MAP3K5: variants seen among roughly 807,000 people sequenced by gnomAD.
MAP3K5 encodes mitogen-activated protein kinase kinase kinase 5, also known as ASK-1.
A neutral mutation model predicts 158.7 loss-of-function variants in MAP3K5; 56 were observed. The observed-to-expected ratio is 0.35, with a 90% CI of 0.28 to 0.44. The LOEUF is 0.44. Among genes scored for constraint, MAP3K5 ranks in the 20% least tolerant of loss-of-function variants. The pLI, the probability that MAP3K5 is intolerant of heterozygous loss-of-function variation, is 1.00. For missense variants in MAP3K5, 1,294 were observed against 1,674.8 expected, an observed-to-expected ratio of 0.77 and a Z score of 3.97; for synonymous variants, 579 against 601.7, an observed-to-expected ratio of 0.96 and a Z score of 0.55.
At chr6:136,704,789 G>A (rs777484898) in intron 3 of MAP3K5, among the ~76,000 whole-genome samples, 1 of 151,990 alleles carries the variant, frequency 6.6e-6, no homozygotes, top group Non-Finnish European at 1.5e-5. Flanking sequence ...CACGTGATCT[G>A]CCTGCCTCTG....
chr6:136,791,965 T>C lies in MAP3K5; in HGVS notation c.193A>G (p.Ile65Val). The C allele has an allele frequency of 6.2e-7, 1 of 1,609,082 alleles. No homozygotes were observed. The highest frequency in any genetic ancestry group is 1.1e-5 in the South Asian group (1 of 90,860). ...WNVESAAAPGIGCPAATSSSS... is the reference protein window; with the variant it reads ...WNVESAAAPGVGCPAATSSSS... The stretch of plus-strand genomic sequence containing the variant: ...GAGGAGGTGGCCGCCGGACAACCGA[T>C]GCCAGGGGCAGCGGCGCTCTCCACG... Residue 65 changes from isoleucine to valine, a missense_variant, in exon 1 of 30, where the codon ATC becomes GTC. By Grantham distance (29) the Ile-to-Val change is conservative. Transcript: ENST00000359015.
At chr6:136,782,284 TAA>T (rs1281981987) in intron 1 of MAP3K5, among the ~76,000 whole-genome samples, 10 of 75,472 alleles carry the variant, frequency 1.3e-4, no homozygotes, top group Non-Finnish European at 1.8e-4. Flanking sequence ...CATCTCAAAA[TAA>T]AAAAAAAAAA....
chr6:136,710,266 T>C (rs1237743596), intron 2 of MAP3K5, among the ~76,000 whole-genome samples: 1 of 152,142 alleles, frequency 6.6e-6, no homozygotes, highest in Non-Finnish European at 1.5e-5. Context: ...TCATGGAAAT[T>C]TTCCTCTCAA....
At chr6:136,649,750 T>C (rs943571514) in intron 11 of MAP3K5, among the ~76,000 whole-genome samples, 5 of 152,258 alleles carry the variant, frequency 3.3e-5, no homozygotes, top group Non-Finnish European at 5.9e-5. Flanking sequence ...GTTACTGTAG[T>C]TAAGATATAT....
chr6:136,606,074 C>T (rs761214524), intron 18 of MAP3K5, among the ~76,000 whole-genome samples: 11 of 152,242 alleles, frequency 7.2e-5, no homozygotes, highest in Admixed American at 2.0e-4. Context: ...AAGTGAAGGC[C>T]GGGTGCGGTG....
chr6:136,561,704 C>A lies in MAP3K5; in HGVS notation c.3875-59G>T, dbSNP rs2129068106. ...TCACCTAACAGAGGTCATCTGAGAC[C>A]CTCACAATCAACAGACATTTATTGA... is the stretch of plus-strand genomic sequence containing the variant. On this transcript the variant is annotated intron_variant, in intron 27 of 29. Transcript: ENST00000359015. 4 of 917,454 alleles carry A rather than the reference C, an allele frequency of 4.4e-6. No individual in the cohort carries two copies. In the East Asian group the frequency reaches 9.7e-5, roughly 22 times the overall value. 56.8% of individuals were successfully genotyped at this position (917,454 alleles called of 1,614,324 possible). A position where few individuals can be genotyped will look rare whatever the true frequency, so the allele number is the denominator to read the frequency against.
At chr6:136,599,731 A>G (rs1010728495) in intron 21 of MAP3K5, among the ~76,000 whole-genome samples, 2 of 152,196 alleles carry the variant, frequency 1.3e-5, no homozygotes, top group Non-Finnish European at 2.9e-5. Flanking sequence ...ACCGAATGAC[A>G]GAAGAAATAT....
rs371885031 is a variant in MAP3K5 at position 136,656,593 on chromosome 6, G to A, written c.1527-133C>T. 52 of 565,682 alleles carry A rather than the reference G, an allele frequency of 9.2e-5. 1 individual carries two copies. Among genetic ancestry groups the A allele is most frequent in the Middle Eastern group, 9.6e-4 (2 of 2,076 alleles). 35.0% of individuals were successfully genotyped at this position (565,682 alleles called of 1,614,324 possible). A position where few individuals can be genotyped will look rare whatever the true frequency, so the allele number is the denominator to read the frequency against. On this transcript the variant is annotated intron_variant, in intron 9 of 29. Transcript: ENST00000359015. Reference sequence around the variant, plus strand: ...TATGCATTCAGATTCACCGTTATTCGTTATTTGTTGCATATCGTGTGTTTT... The same window carrying A: ...TATGCATTCAGATTCACCGTTATTCATTATTTGTTGCATATCGTGTGTTTT...
intron 28 of MAP3K5, among the ~76,000 whole-genome samples, chr6:136,561,322 T>C (rs547955758): frequency 7.9e-5 from 12 of 152,306 alleles, no homozygotes; most frequent in Non-Finnish European, 1.5e-4. Flanking sequence ...ACCTGATACC[T>C]TTTTCTTCAT....
At chr6:136,698,190 A>T (rs1780688258) in intron 4 of MAP3K5, among the ~76,000 whole-genome samples, 1 of 152,228 alleles carries the variant, frequency 6.6e-6, no homozygotes, top group Non-Finnish European at 1.5e-5. Flanking sequence ...TTACACTAGA[A>T]GTCCCTGGAC....
At chr6:136,607,673 A>G (rs370533882) in intron 18 of MAP3K5, among the ~76,000 whole-genome samples, 7 of 152,180 alleles carry the variant, frequency 4.6e-5, no homozygotes, top group East Asian at 3.8e-4. Flanking sequence ...GCAACTACCC[A>G]GGGAGGTGGT....
chr6:136,612,135 T>C (rs1181217874), intron 17 of MAP3K5, among the ~76,000 whole-genome samples: 1 of 152,154 alleles, frequency 6.6e-6, no homozygotes, highest in East Asian at 1.9e-4. Context: ...CTCACCAAAC[T>C]ATCTTTGAAA....
At chr6:136,571,947 C>T (rs1339066771) in intron 25 of MAP3K5, among the ~76,000 whole-genome samples, 1 of 152,216 alleles carries the variant, frequency 6.6e-6, no homozygotes, top group Non-Finnish European at 1.5e-5. Flanking sequence ...TTCACCTCTA[C>T]TCTATCTCAT....
At chr6:136,673,686 T>C (rs1779577348) in intron 7 of MAP3K5, among the ~76,000 whole-genome samples, 3 of 143,478 alleles carry the variant, frequency 2.1e-5, no homozygotes, top group Admixed American at 7.0e-5. Flanking sequence ...CAATAGAAGG[T>C]ATCTAAACTG....
chr6:136,567,613 C>A lies in MAP3K5; in HGVS notation c.3761+18G>T, dbSNP rs778935423. On this transcript the variant is annotated intron_variant, in intron 26 of 29. Coordinates refer to ENST00000359015, the MANE Select transcript of MAP3K5 (RefSeq NM_005923.4). ...AAGTAAAAGAAAAGAAACCAACCCACGTCAGTGTAGGACTTACCTATTGGT... is the reference window on the plus strand; with the variant it reads ...AAGTAAAAGAAAAGAAACCAACCCAAGTCAGTGTAGGACTTACCTATTGGT... The A allele has an allele frequency of 6.3e-7, 1 of 1,592,940 alleles. No homozygotes were observed. The highest frequency in any genetic ancestry group is 8.6e-7 in the Non-Finnish European group (1 of 1,167,534).
At chr6:136,791,113 T>C (rs75569492) in intron 1 of MAP3K5, among the ~76,000 whole-genome samples, 5,929 of 152,216 alleles carry the variant, frequency 0.039, 131 homozygotes, top group African/African-American at 0.063. Flanking sequence ...TCAGTGTAAG[T>C]TGTAATGTTA....
chr6:136,783,801 G>C (rs1436114548), intron 1 of MAP3K5, among the ~76,000 whole-genome samples: 1 of 152,194 alleles, frequency 6.6e-6, no homozygotes, highest in African/African-American at 2.4e-5. Context: ...TCCTGGCTTG[G>C]AGTGGTGTTT....
intron 1 of MAP3K5, among the ~76,000 whole-genome samples, chr6:136,752,841 GGGA>G (rs988310945): frequency 2.1e-3 from 323 of 152,306 alleles, no homozygotes; most frequent in African/African-American, 7.6e-3. Flanking sequence ...ATGGCTGGAG[GGGA>G]AAGAGAAAGG....
intron 28 of MAP3K5, among the ~76,000 whole-genome samples, chr6:136,559,212 C>T (rs988708124): frequency 6.6e-6 from 1 of 151,978 alleles, no homozygotes; most frequent in Admixed American, 6.6e-5. Flanking sequence ...ATTAGCTGGG[C>T]GTGGTGGCGT....
Sources: gnomAD v4.1 joint callset for allele counts (sites outside exome capture counted in the v4.1 genomes callset) on GRCh38, gnomAD v4.1.1 for gene constraint, MANE v1.5 for transcripts, NCBI Gene and HGNC (gene_info 2026-07-23, HGNC 2026-07-21) for gene names.